EXOC5: variants seen among roughly 807,000 people sequenced by gnomAD.
EXOC5 encodes exocyst complex component 5.
In EXOC5, 17 loss-of-function variants were observed where a neutral mutation model predicts 90.8. The observed-to-expected ratio is 0.19, with a 90% CI of 0.13 to 0.28. EXOC5 has a LOEUF of 0.28. EXOC5 is among the 10% of genes least tolerant of loss of function. EXOC5 has a pLI of 1.00. For missense variants in EXOC5, 569 were observed against 830.6 expected, an observed-to-expected ratio of 0.69 and a Z score of 3.87; for synonymous variants, 260 against 270.0, an observed-to-expected ratio of 0.96 and a Z score of 0.36.
At chr14:57,216,259 A>G (rs1882969315) in intron 15 of EXOC5, among the ~76,000 whole-genome samples, 1 of 147,458 alleles carries the variant, frequency 6.8e-6, no homozygotes, top group Admixed American at 6.6e-5. Flanking sequence ...AAAATTCCAA[A>G]GGCATTTTTC....
rs1215833250 is a variant in EXOC5 at position 57,210,193 on chromosome 14, A to C, written c.1614-132T>G. 5.5e-6 allele frequency: 3 copies of C among 541,780 alleles called. No homozygotes were observed. In the East Asian group the frequency reaches 8.9e-5, roughly 16 times the overall value. The allele number at this position is 541,780 out of a possible 1,614,324, so 33.6% of individuals were successfully genotyped here. On this transcript the variant is annotated intron_variant, in intron 15 of 17. Coordinates refer to ENST00000621441, the MANE Select transcript of EXOC5 (RefSeq NM_006544.4). ...ACCATGAAACTCTTTTACTATTGGTAAACTTTAGATATTAGAAAAAGTCAG... is the reference window on the plus strand; with the variant it reads ...ACCATGAAACTCTTTTACTATTGGTCAACTTTAGATATTAGAAAAAGTCAG...
intron 5 of EXOC5, among the ~76,000 whole-genome samples, chr14:57,238,865 T>C (rs1395264530): frequency 2.0e-5 from 3 of 152,140 alleles, no homozygotes; most frequent in Admixed American, 6.5e-5. Context: ...GTATCATTTA[T>C]AATATATTAA....
At chr14:57,253,694 A>G (rs1289850944) in intron 1 of EXOC5, among the ~76,000 whole-genome samples, 1 of 151,892 alleles carries the variant, frequency 6.6e-6, no homozygotes, top group Non-Finnish European at 1.5e-5. Flanking sequence ...GAAAGCCTAG[A>G]AAAAAAACCC....
At chr14:57,263,113 C>T (rs1431603148) in intron 1 of EXOC5, among the ~76,000 whole-genome samples, 1 of 152,162 alleles carries the variant, frequency 6.6e-6, no homozygotes, top group East Asian at 1.9e-4. Flanking sequence ...TGTCTGTCTC[C>T]CTGACCCTTA....
intron 7 of EXOC5, among the ~76,000 whole-genome samples, chr14:57,234,365 A>C (rs528228617): frequency 6.6e-6 from 1 of 151,494 alleles, no homozygotes; most frequent in East Asian, 1.9e-4. Context: ...TCCAAAACAC[A>C]CCCACTCACA....
intron 15 of EXOC5, among the ~76,000 whole-genome samples, chr14:57,216,022 T>G (rs1180009092): frequency 2.0e-5 from 3 of 151,968 alleles, no homozygotes; most frequent in Non-Finnish European, 4.4e-5. Flanking sequence ...TTTTATACAT[T>G]ATCAGCAAAC....
chr14:57,239,522 T>C (rs1566499524), intron 5 of EXOC5, 73 bp downstream of exon 5: 3 of 884,360 alleles, frequency 3.4e-6, no homozygotes, highest in East Asian at 2.7e-5. Context: ...AAGAAAATCA[T>C]ACAGGAAAAG....
rs538010044 is a variant in EXOC5, at chr14:57,231,655, G to C, written c.999C>G (p.Phe333Leu). 7 of 1,613,190 alleles carry C rather than the reference G, an allele frequency of 4.3e-6. No individual in the cohort carries two copies. In the Admixed American group the frequency reaches 5.0e-5, roughly 12 times the overall value. ...EFNLGTDKQT[F>L]LSKLIKSIFI... ...AAATGGATTTGATAAGCTTAGACAA[G>C]AAAGTCTGTTTATCAGTACCTAAAT... Residue 333 changes from phenylalanine to leucine, a missense_variant, in exon 11 of 18, where the codon TTC (phenylalanine) becomes TTG (leucine). Around this residue, in one of 9 missense-constraint regions of EXOC5, gnomAD observed 114 missense variants for 111.2 expected, o/e 1.03. Transcript: ENST00000621441.
rs1221623493 is a variant in EXOC5, at chr14:57,205,907, G to A, written c.*2702C>T. On this transcript the variant is annotated 3_prime_UTR_variant, in exon 18 of 18. Transcript: ENST00000621441. ...ACCAAAAATTGTCCTGGAATGGTCA[G>A]GTGGTCATCCATCTAAAGATCCATC... The A allele has an allele frequency of 2.3e-6, 1 of 441,716 alleles. No homozygotes were observed. The highest frequency in any genetic ancestry group is 4.6e-6 in the Non-Finnish European group (1 of 217,874). 27.4% of individuals were successfully genotyped at this position (441,716 alleles called of 1,614,324 possible). A position where few individuals can be genotyped will look rare whatever the true frequency, so the allele number is the denominator to read the frequency against.
At chr14:57,230,672 T>G (rs1430941167) in intron 11 of EXOC5, among the ~76,000 whole-genome samples, 2 of 152,202 alleles carry the variant, frequency 1.3e-5, no homozygotes, top group African/African-American at 4.8e-5. Flanking sequence ...TTCCAGGCAG[T>G]TAAAGCCTGG....
intron 1 of EXOC5, among the ~76,000 whole-genome samples, chr14:57,250,194 G>C (rs1222254295): frequency 6.6e-6 from 1 of 152,030 alleles, no homozygotes; most frequent in Non-Finnish European, 1.5e-5. Context: ...CTAAGCACAG[G>C]GAACACTCTT....
At chr14:57,217,182 TAAGGA>T (rs1188592112) in intron 15 of EXOC5, among the ~76,000 whole-genome samples, 2 of 152,190 alleles carry the variant, frequency 1.3e-5, no homozygotes, top group Middle Eastern at 6.3e-3. Context: ...GTACAGCCAT[TAAGGA>T]AAAGTACAGA....
At chr14:57,256,643 G>A (rs1884357254) in intron 1 of EXOC5, among the ~76,000 whole-genome samples, 1 of 152,174 alleles carries the variant, frequency 6.6e-6, no homozygotes, top group Admixed American at 6.5e-5. Context: ...CCTTCAAGAA[G>A]GGACTTGCTC....
intron 5 of EXOC5, among the ~76,000 whole-genome samples, chr14:57,238,353 T>C (rs1395464846): frequency 4.8e-5 from 2 of 41,326 alleles, no homozygotes; most frequent in East Asian, 5.8e-4. Flanking sequence ...ATTAGACATA[T>C]ATATATATAT....
intron 15 of EXOC5, among the ~76,000 whole-genome samples, chr14:57,217,606 C>T (rs901354295): frequency 6.6e-6 from 1 of 152,118 alleles, no homozygotes; most frequent in African/African-American, 2.4e-5. Flanking sequence ...CCCTGTCTCT[C>T]TGCCTCTCCG....
In EXOC5 at chr14:57,200,987, G is replaced by A. The variant is rs1594638097; in HGVS notation, c.*7622C>T. On this transcript the variant is annotated 3_prime_UTR_variant, in exon 18 of 18. Coordinates refer to ENST00000621441, the MANE Select transcript of EXOC5 (RefSeq NM_006544.4). ...AGTATGGAAGCTCAAGTGAGGTGAG[G>A]AAGATGTTGCAGAGGGGCGCATGGG... 1 of 152,192 alleles carries A rather than the reference G, an allele frequency of 6.6e-6. No homozygotes were observed. The highest frequency in any genetic ancestry group is 2.4e-5 in the African/African-American group (1 of 41,418). 9.4% of individuals were successfully genotyped at this position (152,192 alleles called of 1,614,324 possible).
At chr14:57,230,104 A>C (rs1883437306) in intron 11 of EXOC5, among the ~76,000 whole-genome samples, 1 of 152,262 alleles carries the variant, frequency 6.6e-6, no homozygotes, top group South Asian at 2.1e-4. Flanking sequence ...TAATTTCTGA[A>C]GTTGCTTTAC....
chr14:57,265,779 C>T (rs1884653270), intron 1 of EXOC5, among the ~76,000 whole-genome samples: 1 of 151,920 alleles, frequency 6.6e-6, no homozygotes, highest in African/African-American at 2.4e-5. Flanking sequence ...GTAGAAGATA[C>T]AATTTATCTA....
chr14:57,256,282 C>A (rs908590453), intron 1 of EXOC5, among the ~76,000 whole-genome samples: 1 of 152,026 alleles, frequency 6.6e-6, no homozygotes, highest in African/African-American at 2.4e-5. Flanking sequence ...CTCTTAACAC[C>A]CCCTCAACCA....
Sources: allele counts gnomAD v4.1 joint callset (sites outside exome capture counted in the v4.1 genomes callset), GRCh38; gene constraint gnomAD v4.1.1; regional missense constraint gnomAD v4.1.1; transcripts MANE v1.5; gene names NCBI Gene and HGNC (gene_info 2026-07-23, HGNC 2026-07-21).